The following CEP83 variants were observed in gnomAD, a reference collection of about 807,000 sequenced individuals.
The protein encoded by CEP83 is centrosomal protein 83, also known as centrosomal protein of 83 kDa.
CEP83 carries 70 observed loss-of-function variants against 101.9 expected under a neutral mutation model. That is an observed-to-expected ratio of 0.69 (90% CI 0.57 to 0.84). The LOEUF is 0.84. CEP83 is among the 40% of genes least tolerant of loss of function. CEP83 has a pLI of 0.00. For synonymous variants in CEP83, 264 were observed against 267.9 expected, an observed-to-expected ratio of 0.99 and a Z score of 0.14; for missense variants, 715 against 787.2, an observed-to-expected ratio of 0.91 and a Z score of 1.10.
At chr12:94,370,168 A>C (rs2061232439) in intron 8 of CEP83, 132 bp from the exon 9 acceptor site, 1 of 602,412 alleles carries the variant, frequency 1.7e-6, no homozygotes, top group South Asian at 2.2e-5. Flanking sequence ...AAGAAGAAAG[A>C]AGTGTCAGTG....
intron 6 of CEP83, among the ~76,000 whole-genome samples, chr12:94,399,913 G>A (rs2063151446): frequency 6.6e-6 from 1 of 152,084 alleles, no homozygotes. Context: ...ATGTTCCAAG[G>A]TTCATATAGC....
intron 2 of CEP83, among the ~76,000 whole-genome samples, chr12:94,433,506 G>A (rs1164182144): frequency 6.6e-6 from 1 of 151,728 alleles, no homozygotes; most frequent in Non-Finnish European, 1.5e-5. Flanking sequence ...CATGGTGAAA[G>A]CCTGTTTCTA....
At chr12:94,391,562 T>C (rs931412547) in intron 6 of CEP83, among the ~76,000 whole-genome samples, 3 of 152,164 alleles carry the variant, frequency 2.0e-5, no homozygotes, top group Non-Finnish European at 4.4e-5. Flanking sequence ...ATGAAGACAC[T>C]GCATCAATTA....
intron 1 of CEP83, among the ~76,000 whole-genome samples, chr12:94,457,832 A>G (rs2067798358): frequency 6.6e-6 from 1 of 152,232 alleles, no homozygotes; most frequent in Non-Finnish European, 1.5e-5. Context: ...ACAACTTGCC[A>G]TAAAAATTTT....
chr12:94,282,065 G>T, the CEP83 span: 8 of 452,500 alleles, frequency 1.8e-5, no homozygotes, highest in Non-Finnish European at 3.2e-5. Context: ...TGTCTTCAGT[G>T]GCTTTACTTC....
intron 2 of CEP83, among the ~76,000 whole-genome samples, chr12:94,414,970 A>G (rs2064159384): frequency 6.6e-6 from 1 of 152,168 alleles, no homozygotes; most frequent in African/African-American, 2.4e-5. Context: ...AATACATAGA[A>G]TTCTGTATGC....
chr12:94,266,178 A>G, the CEP83 span, among the ~76,000 whole-genome samples: 1 of 152,114 alleles, frequency 6.6e-6, no homozygotes. Context: ...TTCATTCCCT[A>G]ATTGGAGAAG....
chr12:94,323,351 G>A (rs1201731803), intron 14 of CEP83, among the ~76,000 whole-genome samples: 1 of 152,150 alleles, frequency 6.6e-6, no homozygotes, highest in Non-Finnish European at 1.5e-5. Context: ...GCAGACCCTG[G>A]TGGAGTGGGC....
At chr12:94,349,383 G>A (rs532841724) in intron 11 of CEP83, among the ~76,000 whole-genome samples, 6 of 151,798 alleles carry the variant, frequency 4.0e-5, no homozygotes, top group Non-Finnish European at 5.9e-5. Context: ...AAAATGTGTT[G>A]ACTGTAATGG....
rs191705775 is a variant in CEP83 at position 94,357,528 on chromosome 12, G to A, written c.1343+10266C>T. Among the ~76,000 whole-genome samples the A allele has an allele frequency of 3.5e-4, 53 of 152,266 alleles. No homozygotes were observed. The East Asian group carries it at 6.8e-3, about 19-fold the overall frequency. ...GGAAATGCCATGAGGGAGCCGTCTC[G>A]GGCCCTGTTCTAAACCGGGGCATTT... On this transcript the variant is annotated intron_variant, in intron 11 of 16. Coordinates refer to ENST00000397809, the MANE Select transcript of CEP83 (RefSeq NM_016122.3).
At chr12:94,336,570 T>C (rs2059456429) in intron 11 of CEP83, among the ~76,000 whole-genome samples, 1 of 152,192 alleles carries the variant, frequency 6.6e-6, no homozygotes, top group South Asian at 2.1e-4. Context: ...ACCCAAATCA[T>C]GGATTAGCTG....
intron 1 of CEP83, among the ~76,000 whole-genome samples, chr12:94,447,476 G>C (rs1440825264): frequency 6.6e-6 from 1 of 152,084 alleles, no homozygotes; most frequent in South Asian, 2.1e-4. Context: ...TTGCACTCCA[G>C]CCTGGAAAAC....
chr12:94,400,905 T>C lies in CEP83; in HGVS notation c.494A>G (p.Gln165Arg). The change falls in exon 6 of 17, where the codon CAG (glutamine) becomes CGG (arginine). Residue 165 changes from glutamine (Q) to arginine (R), a missense_variant. Transcript: ENST00000397809. The part of the protein sequence containing the change: ...HTFLKSEFEH[Q>R]KEEYARILDE... ...TAAAATACGTGCATACTCTTCCTTC[T>C]GGTGTTCAAATTCTGACTTGAGAAA... 6.6e-7 allele frequency: 1 copy of C among 1,518,900 alleles called. No individual in the cohort carries two copies. The highest frequency in any genetic ancestry group is 8.8e-7 in the Non-Finnish European group (1 of 1,130,184). The allele number at this position is 1,518,900 out of a possible 1,614,324, so 94.1% of individuals were successfully genotyped here. A position where few individuals can be genotyped will look rare whatever the true frequency, so the allele number is the denominator to read the frequency against.
intron 6 of CEP83, among the ~76,000 whole-genome samples, chr12:94,397,330 C>A (rs1230019232): frequency 2.0e-5 from 3 of 152,114 alleles, no homozygotes; most frequent in Admixed American, 6.5e-5. Flanking sequence ...GAAACCCCAT[C>A]TCTACTAAAA....
At chr12:94,295,745 G>C in the CEP83 span, among the ~76,000 whole-genome samples, 4 of 152,232 alleles carry the variant, frequency 2.6e-5, no homozygotes, top group Admixed American at 2.6e-4. Context: ...GTCACTATAA[G>C]TTCATGGTAC....
intron 11 of CEP83, among the ~76,000 whole-genome samples, chr12:94,355,093 C>T (rs763927028): frequency 2.6e-5 from 4 of 151,586 alleles, no homozygotes; most frequent in Non-Finnish European, 4.4e-5. Flanking sequence ...GCAATGAATA[C>T]CACAAAAGCA....
Position 94,412,526 on chromosome 12 carries a change from T to A in CEP83, c.-36A>T. 6.3e-7 allele frequency: 1 copy of A among 1,598,862 alleles called. No individual in the cohort carries two copies. The highest frequency in any genetic ancestry group is 8.5e-7 in the Non-Finnish European group (1 of 1,171,002). ...GTTTTGGCTTTCTTACTGTTTTAGT[T>A]TTCTTTCCAAGGGTATTTCCCACTC... On this transcript the variant is annotated 5_prime_UTR_variant, in exon 3 of 17. Coordinates refer to ENST00000397809, the MANE Select transcript of CEP83 (RefSeq NM_016122.3).
chr12:94,370,196 A>G (rs1221116562), intron 8 of CEP83, among the ~76,000 whole-genome samples, 160 bp from the exon 9 acceptor site: 1 of 152,242 alleles, frequency 6.6e-6, no homozygotes, highest in Non-Finnish European at 1.5e-5. Flanking sequence ...CAGTACTTCA[A>G]GTAAGGAGAC....
rs1207972213 is a variant in CEP83, at chr12:94,369,942, T to C, written c.1028A>G (p.Lys343Arg). Reference protein sequence around the residue: ...AKSELERERNKIQSELDGLQS... With the variant: ...AKSELERERNRIQSELDGLQS... Reference sequence around the variant, plus strand: ...ATTACCATCCAGTTCACTTTGAATCTTATTCCTTTCTCTTTCTAGCTCACT... The same window carrying C: ...ATTACCATCCAGTTCACTTTGAATCCTATTCCTTTCTCTTTCTAGCTCACT... Residue 343 changes from lysine to arginine, a missense_variant, in exon 9 of 17, where the codon AAG (lysine) becomes AGG (arginine). Transcript: ENST00000397809. 4 of 1,590,820 alleles carry C rather than the reference T, an allele frequency of 2.5e-6. No individual in the cohort carries two copies. The highest frequency in any genetic ancestry group is 3.4e-6 in the Non-Finnish European group (4 of 1,159,956).
Sources: gnomAD v4.1 joint callset for allele counts (sites outside exome capture counted in the v4.1 genomes callset) on GRCh38, gnomAD v4.1.1 for gene constraint, MANE v1.5 for transcripts, NCBI Gene and HGNC (gene_info 2026-07-23, HGNC 2026-07-21) for gene names.